The following CDH4 variants were observed in gnomAD, a reference collection of about 807,000 sequenced individuals.
CDH4 encodes cadherin-4.
CDH4 carries 33 observed loss-of-function variants against 86.0 expected under a neutral mutation model. The ratio of observed to expected loss-of-function variants is 0.38; its 90% CI spans 0.29 to 0.51. The LOEUF is 0.51. Among genes scored for constraint, CDH4 ranks in the 20% least tolerant of loss-of-function variants. The pLI, the probability that CDH4 is intolerant of heterozygous loss-of-function variation, is 0.86. For synonymous variants in CDH4, 555 were observed against 549.4 expected (o/e 1.01, Z -0.14); for missense variants, 1,114 against 1,307.4 (o/e 0.85, Z 2.28).
chr20:61,791,973 C>T (rs188685728), intron 4 of CDH4, among the ~76,000 whole-genome samples: 1 of 152,228 alleles, frequency 6.6e-6, no homozygotes, highest in Non-Finnish European at 1.5e-5. Flanking sequence ...AGCTCCAATG[C>T]AGGAAAAAGC....
chr20:61,447,323 ATTTTT>A (rs71331923), intron 2 of CDH4, among the ~76,000 whole-genome samples: 15 of 110,858 alleles, frequency 1.4e-4, no homozygotes, highest in African/African-American at 4.5e-4. Flanking sequence ...CGCCCAGCTG[ATTTTT>A]TTTTTTTTTT....
At chr20:61,549,156 A>G (rs73320392) in intron 2 of CDH4, among the ~76,000 whole-genome samples, 5,557 of 152,304 alleles carry the variant, frequency 0.036, 331 homozygotes, top group African/African-American at 0.12. Context: ...TTGATGTTAC[A>G]GTGAGAAGTC....
intron 7 of CDH4, among the ~76,000 whole-genome samples, chr20:61,891,232 G>A (rs1174168494): frequency 6.6e-5 from 10 of 152,190 alleles, no homozygotes; most frequent in Admixed American, 2.0e-4. Flanking sequence ...TGGGCTGCAC[G>A]TTCCTGTTCA....
At chr20:61,565,102 T>TG (rs2086258676) in intron 2 of CDH4, among the ~76,000 whole-genome samples, 2 of 102,092 alleles carry the variant, frequency 2.0e-5, no homozygotes, top group Admixed American at 9.8e-5. Flanking sequence ...TTGGTGGTGC[T>TG]CTTGGTGGTG....
At chr20:61,929,586 T>C in intron 12 of CDH4, 23 bp from the exon 13 acceptor site, 1 of 1,578,636 alleles carries the variant, frequency 6.3e-7, no homozygotes, top group Non-Finnish European at 8.7e-7. Context: ...TCTGGTTGAA[T>C]GTTTACTGTT....
intron 2 of CDH4, among the ~76,000 whole-genome samples, chr20:61,309,968 C>T (rs1208052491): frequency 6.6e-6 from 1 of 152,238 alleles, no homozygotes; most frequent in Non-Finnish European, 1.5e-5. Context: ...CTCCATTGCT[C>T]TCTCTGCTCC....
chr20:61,298,633 G>C (rs1216428793), intron 2 of CDH4, among the ~76,000 whole-genome samples: 2 of 148,370 alleles, frequency 1.3e-5, no homozygotes, highest in African/African-American at 5.0e-5. Context: ...TTTTTTTTCT[G>C]AGACACACTC....
In CDH4 at chr20:61,937,450, A is replaced by G. The variant is rs2055209170; in HGVS notation, c.*507A>G. ...TTACTTTTTTTTTGGTCTTTTATTA[A>G]GAAAAAGAAAGTGGGTGACTTGTTT... On this transcript the variant is annotated 3_prime_UTR_variant, in exon 16 of 16. Transcript: ENST00000614565. 6.6e-6 allele frequency: 1 copy of G among 152,090 alleles called. No individual in the cohort carries two copies. The highest frequency in any genetic ancestry group is 2.4e-5 in the African/African-American group (1 of 41,372). The allele number at this position is 152,090 out of a possible 1,614,324, so 9.4% of individuals were successfully genotyped here. A position where few individuals can be genotyped will look rare whatever the true frequency, so the allele number is the denominator to read the frequency against.
chr20:61,331,376 C>G (rs1371798010), intron 2 of CDH4, among the ~76,000 whole-genome samples: 1 of 152,062 alleles, frequency 6.6e-6, no homozygotes, highest in East Asian at 1.9e-4. Context: ...CTTGCTTAGC[C>G]TCTGTGTCCA....
intron 2 of CDH4, among the ~76,000 whole-genome samples, chr20:61,674,294 C>G (rs112148195): frequency 3.3e-5 from 5 of 152,138 alleles, no homozygotes; most frequent in Non-Finnish European, 7.4e-5. Context: ...GGAGGGGTGC[C>G]GAGCTTGGAG....
chr20:61,424,919 G>A (rs114860132), intron 2 of CDH4, among the ~76,000 whole-genome samples: 149 of 130,522 alleles, frequency 1.1e-3, no homozygotes, highest in African/African-American at 3.8e-3. Context: ...AGCCTGTGCC[G>A]CGTGGTCCAT....
chr20:61,455,481 C>T (rs1239902753), intron 2 of CDH4, among the ~76,000 whole-genome samples: 5 of 152,172 alleles, frequency 3.3e-5, no homozygotes, highest in Non-Finnish European at 5.9e-5. Context: ...ATATGGCAAT[C>T]GCACTCCTGA....
intron 2 of CDH4, among the ~76,000 whole-genome samples, chr20:61,311,064 C>T (rs906635323): frequency 1.3e-5 from 2 of 152,174 alleles, no homozygotes; most frequent in African/African-American, 4.8e-5. Context: ...TGTCCTGGTC[C>T]TCCTCGTTTC....
rs373678210 is a variant in CDH4 at position 61,873,907 on chromosome 20, C to G, written c.1050+7C>G. 1.3e-4 allele frequency: 207 copies of G among 1,612,052 alleles called. No individual in the cohort carries two copies. The highest frequency in any genetic ancestry group is 1.7e-4 in the Non-Finnish European group (204 of 1,179,454). The stretch of plus-strand genomic sequence containing the variant: ...GGCTGGCCTGGACCGAGAGGTGAGG[C>G]GGGGTGGGGTCTGCGTGCAGGCGGG... On this transcript the variant is annotated splice_region_variant and intron_variant, in intron 7 of 15. Coordinates refer to ENST00000614565, the MANE Select transcript of CDH4 (RefSeq NM_001794.5).
chr20:61,561,136 G>T (rs544342035), intron 2 of CDH4, among the ~76,000 whole-genome samples: 1 of 152,044 alleles, frequency 6.6e-6, no homozygotes, highest in Admixed American at 6.6e-5. Context: ...CCACCCCCAA[G>T]ACCTGGGTGC....
intron 2 of CDH4, among the ~76,000 whole-genome samples, chr20:61,659,749 A>G (rs866991456): frequency 2.6e-5 from 4 of 151,820 alleles, no homozygotes; most frequent in African/African-American, 9.7e-5. Context: ...GGCCTCAGCC[A>G]TCTGAGGCTT....
rs1419287963 is a variant in CDH4, at chr20:61,252,301, C to G, written c.-213C>G. 1 of 147,350 alleles carries G rather than the reference C, an allele frequency of 6.8e-6. No homozygotes were observed. Among genetic ancestry groups the G allele is most frequent in the Admixed American group, 6.8e-5 (1 of 14,720 alleles). 9.1% of individuals were successfully genotyped at this position (147,350 alleles called of 1,614,324 possible). On this transcript the variant is annotated 5_prime_UTR_variant, in exon 1 of 16. Coordinates refer to ENST00000614565, the MANE Select transcript of CDH4 (RefSeq NM_001794.5). The surrounding 1 kb of genome is among the most constrained non-coding windows in gnomAD (Gnocchi z 4.4). ...TGCGAGGCCGGCGGACGCACCGGCC[C>G]GAGGGAACGCGCCGCCGGCCGGACT...
At chr20:61,262,310 G>T (rs562381114) in intron 2 of CDH4, among the ~76,000 whole-genome samples, 72 of 152,284 alleles carry the variant, frequency 4.7e-4, no homozygotes, top group African/African-American at 1.5e-3. Flanking sequence ...CAGAGATCTC[G>T]TACTCTAAGC....
intron 2 of CDH4, among the ~76,000 whole-genome samples, chr20:61,622,612 A>G (rs1176628516): frequency 6.6e-6 from 1 of 152,236 alleles, no homozygotes; most frequent in Admixed American, 6.5e-5. Flanking sequence ...AGACTCACCT[A>G]AAACTCTGCA....
Sources: gnomAD v4.1 joint callset for allele counts (sites outside exome capture counted in the v4.1 genomes callset) on GRCh38, gnomAD v4.1.1 for gene constraint, Gnocchi (gnomAD v3.1) non-coding constraint, MANE v1.5 for transcripts, NCBI Gene and HGNC (gene_info 2026-07-23, HGNC 2026-07-21) for gene names.